TMEM200A: variants seen among roughly 807,000 people sequenced by gnomAD.
TMEM200A encodes transmembrane protein 200A, also known as two transmembrane C.
Under a neutral mutation model 24.3 loss-of-function variants are expected in TMEM200A, and 12 were observed. The ratio of observed to expected loss-of-function variants is 0.49; its 90% CI spans 0.32 to 0.80. The LOEUF (loss-of-function observed/expected upper bound fraction) is 0.80. Among genes scored for constraint, TMEM200A ranks in the 30% least tolerant of loss-of-function variants. The pLI is 0.04. For missense variants in TMEM200A, 545 were observed against 614.4 expected (o/e 0.89, Z 1.19); for synonymous variants, 224 against 224.4 (o/e 1.00, Z 0.02).
chr6:130,378,678 G>A (rs570719994), intron 1 of TMEM200A, among the ~76,000 whole-genome samples: 4 of 149,164 alleles, frequency 2.7e-5, no homozygotes, highest in African/African-American at 9.9e-5. Flanking sequence ...AGCCAAGATC[G>A]TGCCACTGCA....
At chr6:130,372,233 G>A (rs1778338226) in intron 1 of TMEM200A, among the ~76,000 whole-genome samples, 1 of 152,136 alleles carries the variant, frequency 6.6e-6, no homozygotes, top group Admixed American at 6.5e-5. Flanking sequence ...ATCAGGAGGG[G>A]CATATGGTTG....
intron 1 of TMEM200A, chr6:130,383,133 T>A: frequency 1.2e-6 from 1 of 868,348 alleles, no homozygotes; most frequent in Non-Finnish European, 1.4e-6. Flanking sequence ...CGGCACTCCA[T>A]GGGATTCATT....
chr6:130,370,054 A>G (rs1778283094), intron 1 of TMEM200A, among the ~76,000 whole-genome samples: 1 of 152,324 alleles, frequency 6.6e-6, no homozygotes, highest in African/African-American at 2.4e-5. Context: ...CCTTGCTTCA[A>G]TCATGGCTGG....
chr6:130,391,743 T>C (rs1211099272), intron 2 of TMEM200A, among the ~76,000 whole-genome samples: 1 of 131,586 alleles, frequency 7.6e-6, no homozygotes, highest in African/African-American at 3.0e-5. Flanking sequence ...TTTTTTTTTT[T>C]TTTTTTTTTT....
At chr6:130,409,460 A>G (rs1239704674) in intron 2 of TMEM200A, among the ~76,000 whole-genome samples, 2 of 152,206 alleles carry the variant, frequency 1.3e-5, no homozygotes, top group Non-Finnish European at 2.9e-5. Context: ...TGTCTCTGCA[A>G]CTATGTGGGA....
intron 2 of TMEM200A, among the ~76,000 whole-genome samples, chr6:130,400,516 AT>A (rs34448742): frequency 0.4 from 57,655 of 144,220 alleles, 14,277 homozygotes; most frequent in African/African-American, 0.72. Flanking sequence ...AGCTCCTATG[AT>A]TTTTTTTTTT....
At chr6:130,372,393 C>T (rs890022786) in intron 1 of TMEM200A, among the ~76,000 whole-genome samples, 2 of 152,102 alleles carry the variant, frequency 1.3e-5, no homozygotes, top group Non-Finnish European at 2.9e-5. Flanking sequence ...GGATCTCTAT[C>T]ATTATGCAGG....
intron 2 of TMEM200A, among the ~76,000 whole-genome samples, chr6:130,390,104 A>C: frequency 6.6e-6 from 1 of 152,348 alleles, no homozygotes; most frequent in Non-Finnish European, 1.5e-5. Flanking sequence ...AAAAAAGTAT[A>C]AAAAATGAAA....
Position 130,398,183 on chromosome 6 carries a change from A to G in TMEM200A, c.-17+12947A>G, listed in dbSNP as rs376482257. Among the ~76,000 whole-genome samples the G allele has an allele frequency of 3.6e-4, 55 of 152,128 alleles. 1 individual carries two copies. Among genetic ancestry groups the G allele is most frequent in the African/African-American group, 1.3e-3 (54 of 41,524 alleles). On this transcript the variant is annotated intron_variant, in intron 2 of 2. Coordinates refer to ENST00000296978, the MANE Select transcript of TMEM200A (RefSeq NM_001258277.2). ...TGTTCCCATATTTGTGTCCATGTGT[A>G]TTCAATGTTTAGCTCCTGCTTAGAA...
In TMEM200A at chr6:130,413,520, C is replaced by G. The variant is rs147002555; in HGVS notation, c.-16-26887C>G. Among the ~76,000 whole-genome samples, 741 of 152,296 alleles carry G rather than the reference C, an allele frequency of 4.9e-3. 5 individuals carry two copies. Among genetic ancestry groups the G allele is most frequent in the African/African-American group, 0.016 (677 of 41,568 alleles). Reference sequence around the variant, plus strand: ...CAATAAATGGCACAGCCATCCCCCCCACTAGAGATCTGGAAATTCCCTTGA... The same window carrying G: ...CAATAAATGGCACAGCCATCCCCCCGACTAGAGATCTGGAAATTCCCTTGA... On this transcript the variant is annotated intron_variant, in intron 2 of 2. Coordinates refer to ENST00000296978, the MANE Select transcript of TMEM200A (RefSeq NM_001258277.2).
rs753285850 is a variant in TMEM200A at position 130,441,950 on chromosome 6, A to G, written c.*52A>G. 4 of 1,484,966 alleles carry G rather than the reference A, an allele frequency of 2.7e-6. No homozygotes were observed. In the East Asian group the frequency reaches 9.2e-5, roughly 34 times the overall value. The allele number at this position is 1,484,966 out of a possible 1,614,324, so 92.0% of individuals were successfully genotyped here. A position where few individuals can be genotyped will look rare whatever the true frequency, so the allele number is the denominator to read the frequency against. ...GGGTATATATTTTAAAACGATTTTCACTGGTGTTTCCTTCTTAAAGTATTG... is the reference window on the plus strand; with the variant it reads ...GGGTATATATTTTAAAACGATTTTCGCTGGTGTTTCCTTCTTAAAGTATTG... On this transcript the variant is annotated 3_prime_UTR_variant, in exon 3 of 3. Coordinates refer to ENST00000296978, the MANE Select transcript of TMEM200A (RefSeq NM_001258277.2).
chr6:130,384,705 A>G (rs113089605), intron 1 of TMEM200A, among the ~76,000 whole-genome samples: 1 of 152,364 alleles, frequency 6.6e-6, no homozygotes, highest in African/African-American at 2.4e-5. Context: ...AGAAAGGAAT[A>G]GCATGTTTCT....
chr6:130,427,573 C>T (rs1779775778), intron 2 of TMEM200A, among the ~76,000 whole-genome samples: 1 of 152,044 alleles, frequency 6.6e-6, no homozygotes, highest in African/African-American at 2.4e-5. Context: ...AGTCAGCAGG[C>T]AGGGGGTGGC....
chr6:130,427,600 T>A (rs1230548495), intron 2 of TMEM200A, among the ~76,000 whole-genome samples: 4 of 152,114 alleles, frequency 2.6e-5, no homozygotes, highest in Admixed American at 2.6e-4. Flanking sequence ...AATGGACATT[T>A]CGATTTTTGA....
chr6:130,381,912 T>C (rs1778606665), intron 1 of TMEM200A: 1 of 985,330 alleles, frequency 1.0e-6, no homozygotes, highest in African/African-American at 1.7e-5. Flanking sequence ...CTGCAGCTTC[T>C]CTGATCTGTG....
rs191669172 is a variant in TMEM200A at position 130,440,749 on chromosome 6, C to T, written c.327C>T (p.Gly109=). ...AAACTCAGGTCATTCGGAATGAAGG[C>T]GGTGTGGTGGTTCGCTTCTTTGAGC... ...TNETQVIRNE[G]GVVVRFFEQH... is the part of the protein sequence containing the mutation. Residue 109 remains glycine, a synonymous_variant, in exon 3 of 3, where the codon GGC becomes GGT. Coordinates refer to ENST00000296978, the MANE Select transcript of TMEM200A (RefSeq NM_001258277.2). 167 of 1,613,814 alleles carry T rather than the reference C, an allele frequency of 1.0e-4. No individual in the cohort carries two copies. The Admixed American group carries it at 2.7e-3, about 26-fold the overall frequency.
intron 2 of TMEM200A, among the ~76,000 whole-genome samples, chr6:130,385,694 G>A (rs1297857297): frequency 6.6e-6 from 1 of 152,026 alleles, no homozygotes; most frequent in East Asian, 1.9e-4. Flanking sequence ...AATAAAAGGA[G>A]GTTTATACCT....
chr6:130,413,038 G>A (rs560824784), intron 2 of TMEM200A, among the ~76,000 whole-genome samples: 48 of 152,224 alleles, frequency 3.2e-4, no homozygotes, highest in African/African-American at 1.1e-3. Context: ...GTCTTCAGAG[G>A]ATTTTGTGTC....
At chr6:130,422,822 A>AACTT (rs1414777490) in intron 2 of TMEM200A, among the ~76,000 whole-genome samples, 6 of 152,194 alleles carry the variant, frequency 3.9e-5, no homozygotes, top group Admixed American at 2.6e-4. Flanking sequence ...CTATTTAAAA[A>AACTT]ACTTATATGA....
Sources: gnomAD v4.1 joint callset for allele counts (sites outside exome capture counted in the v4.1 genomes callset) on GRCh38, gnomAD v4.1.1 for gene constraint, MANE v1.5 for transcripts, NCBI Gene and HGNC (gene_info 2026-07-23, HGNC 2026-07-21) for gene names.